Variants in LYN observed in about 807,000 individuals in gnomAD.
LYN encodes LYN proto-oncogene, Src family tyrosine kinase.
Under a neutral mutation model 65.0 loss-of-function variants are expected in LYN, and 12 were observed. That is an observed-to-expected ratio of 0.18 (90% CI 0.12 to 0.30). The LOEUF is 0.30. Ranked by LOEUF, LYN falls within the 10% of genes least tolerant of loss-of-function variation. The pLI is 1.00. For missense variants in LYN, 380 were observed against 623.2 expected (o/e 0.61, Z 4.16); for synonymous variants, 222 against 221.2 (o/e 1.00, Z -0.03).
chr8:55,977,634 C>G (rs1807793195), intron 10 of LYN, among the ~76,000 whole-genome samples: 1 of 151,822 alleles, frequency 6.6e-6, no homozygotes, highest in African/African-American at 2.4e-5. Flanking sequence ...TCATCTCTGT[C>G]TGGCACAGTG....
intron 8 of LYN, among the ~76,000 whole-genome samples, chr8:55,966,309 G>C (rs1177379959): frequency 1.3e-5 from 2 of 151,756 alleles, no homozygotes; most frequent in African/African-American, 4.8e-5. Flanking sequence ...TTTAACTCAG[G>C]CTTTTTCTAT....
intron 8 of LYN, among the ~76,000 whole-genome samples, chr8:55,965,957 T>A (rs916398070): frequency 2.0e-5 from 3 of 152,040 alleles, no homozygotes; most frequent in Non-Finnish European, 4.4e-5. Flanking sequence ...GAACCACGTC[T>A]CTACTAAAAA....
intron 10 of LYN, among the ~76,000 whole-genome samples, chr8:55,980,964 C>T (rs1229374323): frequency 6.6e-6 from 1 of 152,170 alleles, no homozygotes; most frequent in African/African-American, 2.4e-5. Flanking sequence ...CCTGGCCACC[C>T]CCGTGCTGTT....
chr8:55,976,548 C>T (rs1326029262), intron 10 of LYN, among the ~76,000 whole-genome samples: 1 of 152,068 alleles, frequency 6.6e-6, no homozygotes. Flanking sequence ...GAGCAAACGG[C>T]ACATGGCATG....
chr8:55,926,841 T>G (rs1806122542), intron 1 of LYN, among the ~76,000 whole-genome samples: 1 of 152,258 alleles, frequency 6.6e-6, no homozygotes, highest in Non-Finnish European at 1.5e-5. Context: ...ATTAATAGAC[T>G]TTATTTTTTA....
At chr8:55,954,123 A>G (rs1204671249) in intron 8 of LYN, 139 bp downstream of exon 8, 7 of 932,804 alleles carry the variant, frequency 7.5e-6, no homozygotes, top group Admixed American at 2.6e-5. Flanking sequence ...TCCTCTGTCC[A>G]TTGGGGCTGA....
Position 55,936,174 on chromosome 8 carries a change from G to A in LYN, c.-5-5681G>A, listed in dbSNP as rs111551315. Among the ~76,000 whole-genome samples, 666 of 152,072 alleles carry A rather than the reference G, an allele frequency of 4.4e-3. 4 individuals are homozygous for A. Among genetic ancestry groups the A allele is most frequent in the African/African-American group, 0.015 (615 of 41,470 alleles). ...TATAAATGATGCTTGAACCAGTCTT[G>A]GACCTAATTTGAAACTCAAGATCAC... On this transcript the variant is annotated intron_variant, in intron 1 of 12. Transcript: ENST00000519728.
intron 10 of LYN, among the ~76,000 whole-genome samples, chr8:55,995,873 T>G (rs918358943): frequency 2.0e-5 from 3 of 152,328 alleles, no homozygotes; most frequent in Middle Eastern, 3.4e-3. Flanking sequence ...CTGAATAGTC[T>G]TTGAGACTGA....
chr8:55,975,364 T>G (rs1310850691), intron 10 of LYN, among the ~76,000 whole-genome samples: 1 of 152,208 alleles, frequency 6.6e-6, no homozygotes, highest in Non-Finnish European at 1.5e-5. Flanking sequence ...AAAATCACTT[T>G]GTGGGCACCA....
chr8:56,000,248 G>A (rs1290441898), intron 12 of LYN, among the ~76,000 whole-genome samples: 1 of 152,134 alleles, frequency 6.6e-6, no homozygotes, highest in Non-Finnish European at 1.5e-5. Flanking sequence ...AAGTGCCCTG[G>A]AGTCTCTCTC....
At chr8:56,007,392 G>A (rs1808701680) in intron 12 of LYN, among the ~76,000 whole-genome samples, 1 of 152,188 alleles carries the variant, frequency 6.6e-6, no homozygotes, top group African/African-American at 2.4e-5. Context: ...ATACAAATCT[G>A]TCTTTCGCTT....
chr8:55,970,972 C>T (rs1585652595), intron 10 of LYN, among the ~76,000 whole-genome samples: 1 of 152,194 alleles, frequency 6.6e-6, no homozygotes, highest in Non-Finnish European at 1.5e-5. Flanking sequence ...GACACAAGCA[C>T]CTCAGAGCCT....
chr8:55,907,405 G>A (rs1805457630), intron 1 of LYN, among the ~76,000 whole-genome samples: 1 of 152,180 alleles, frequency 6.6e-6, no homozygotes, highest in South Asian at 2.1e-4. Flanking sequence ...CAGGAACAGG[G>A]TCATGAGAGG....
At chr8:55,999,897 G>C (rs573069201) in intron 12 of LYN, among the ~76,000 whole-genome samples, 4 of 151,872 alleles carry the variant, frequency 2.6e-5, no homozygotes, top group Non-Finnish European at 5.9e-5. Context: ...CTTGAACCCG[G>C]GAGGTGGAGG....
At chr8:55,950,313 A>C in intron 4 of LYN, 146 bp from the exon 5 acceptor site, 1 of 571,202 alleles carries the variant, frequency 1.8e-6, no homozygotes, top group Non-Finnish European at 3.0e-6. Context: ...TCCTGTGGTA[A>C]GTCTATGTTT....
intron 1 of LYN, among the ~76,000 whole-genome samples, chr8:55,915,830 G>A (rs894657976): frequency 6.6e-6 from 1 of 151,892 alleles, no homozygotes; most frequent in Admixed American, 6.6e-5. Context: ...GAAAGAGAGC[G>A]AGCGAGCGAG....
chr8:55,961,966 T>C (rs1265640220), intron 8 of LYN, among the ~76,000 whole-genome samples: 2 of 152,174 alleles, frequency 1.3e-5, no homozygotes, highest in Non-Finnish European at 2.9e-5. Context: ...TTTGCCACTT[T>C]TGTATATGGG....
rs1176961481 is a variant in LYN at position 55,898,683 on chromosome 8, AATC to A, written c.-6+18585_-6+18587del. ...TTTTAGTATGTTCACAGAGTTGTGC[AATC>A]ATCACCACAATCAATTTTAGAACAT... On this transcript the variant is annotated intron_variant, in intron 1 of 12. Coordinates refer to ENST00000519728, the MANE Select transcript of LYN (RefSeq NM_002350.4). 3.9e-5 allele frequency among the ~76,000 whole-genome samples: 6 copies of A among 152,356 alleles called. No homozygotes were observed. In the East Asian group the frequency reaches 1.2e-3, roughly 29 times the overall value.
intron 8 of LYN, among the ~76,000 whole-genome samples, chr8:55,963,225 A>T (rs1585644368): frequency 6.6e-6 from 1 of 152,328 alleles, no homozygotes; most frequent in Middle Eastern, 3.4e-3. Context: ...CTCTAGGGTG[A>T]GTGGGAGTGG....
Sources: allele counts gnomAD v4.1 joint callset (sites outside exome capture counted in the v4.1 genomes callset), GRCh38; gene constraint gnomAD v4.1.1; transcripts MANE v1.5; gene names NCBI Gene and HGNC (gene_info 2026-07-23, HGNC 2026-07-21).